The following ACOT7 variants were observed in gnomAD, a reference collection of about 807,000 sequenced individuals.
ACOT7 encodes cytosolic acyl coenzyme A thioester hydrolase.
ACOT7 carries 12 observed loss-of-function variants against 40.2 expected under a neutral mutation model. The observed-to-expected ratio is 0.30, with a 90% CI of 0.19 to 0.48. The LOEUF is 0.48. Ranked by LOEUF, ACOT7 falls within the 20% of genes least tolerant of loss-of-function variation. The probability of loss-of-function intolerance (pLI) is 0.99; values close to 1 mark genes in which losing one functional copy is unlikely to be tolerated. For missense variants in ACOT7, 395 were observed against 530.8 expected, an observed-to-expected ratio of 0.74 and a Z score of 2.51; for synonymous variants, 228 against 219.5, an observed-to-expected ratio of 1.04 and a Z score of -0.34.
rs563908421 is a variant in ACOT7, at chr1:6,267,684, G to T, written c.1015-2989C>A. ...CCTTTCTCAAACTGAGCTGGCCAGG[G>T]ATCCCTTTCATAAGGAACCAAGCTC... On this transcript the variant is annotated intron_variant, in intron 8 of 8. Transcript: ENST00000361521. 1.3e-3 allele frequency among the ~76,000 whole-genome samples: 191 copies of T among 152,340 alleles called. 1 individual carries two copies. Among genetic ancestry groups the T allele is most frequent in the African/African-American group, 4.5e-3 (186 of 41,576 alleles).
chr1:6,356,101 C>A (rs375906634), intron 1 of ACOT7, among the ~76,000 whole-genome samples: 1 of 152,158 alleles, frequency 6.6e-6, no homozygotes, highest in African/African-American at 2.4e-5. Context: ...AAGATGAGGT[C>A]GCCGTGCCTT....
intron 2 of ACOT7, among the ~76,000 whole-genome samples, chr1:6,341,414 TGA>T (rs1378098352): frequency 1.3e-5 from 2 of 149,060 alleles, no homozygotes; most frequent in African/African-American, 4.9e-5. Flanking sequence ...ATTACAGGCG[TGA>T]GCCACCGTGC....
chr1:6,388,590 T>C (rs1642479930), intron 1 of ACOT7, among the ~76,000 whole-genome samples: 1 of 135,480 alleles, frequency 7.4e-6, no homozygotes, highest in South Asian at 2.4e-4. Context: ...AATACAAAAA[T>C]TAGCCGAGTG....
At chr1:6,367,135 C>G (rs1454557402) in intron 1 of ACOT7, among the ~76,000 whole-genome samples, 1 of 149,950 alleles carries the variant, frequency 6.7e-6, no homozygotes, top group Admixed American at 6.7e-5. Flanking sequence ...GAAGGCAGAG[C>G]TTGCAGTGAG....
intron 3 of ACOT7, among the ~76,000 whole-genome samples, chr1:6,334,913 C>T (rs575858356): frequency 4.6e-5 from 7 of 152,290 alleles, no homozygotes; most frequent in Admixed American, 4.6e-4. Flanking sequence ...TTGTCAGGCA[C>T]GGTGGCTCAC....
At chr1:6,392,996 C>A (rs971191351) in intron 1 of ACOT7, among the ~76,000 whole-genome samples, 2 of 152,044 alleles carry the variant, frequency 1.3e-5, no homozygotes, top group African/African-American at 4.8e-5. Flanking sequence ...CTCGCCCAAA[C>A]GGCCCGTGGC....
In ACOT7 at chr1:6,338,735, C is replaced by T. The variant is rs138771843; in HGVS notation, c.418+698G>A. Among the ~76,000 whole-genome samples, 725 of 152,202 alleles carry T rather than the reference C, an allele frequency of 4.8e-3. 4 individuals are homozygous for T. Among genetic ancestry groups the T allele is most frequent in the African/African-American group, 0.017 (696 of 41,550 alleles). ...GGAGGAAACCGGCCCAGCCTCTCTGCATGGGAGGACTGGTGACCTGGGAGG... is the reference window on the plus strand; with the variant it reads ...GGAGGAAACCGGCCCAGCCTCTCTGTATGGGAGGACTGGTGACCTGGGAGG... On this transcript the variant is annotated intron_variant, in intron 3 of 8. Transcript: ENST00000361521. This position sits in a 1 kb window ranked among gnomAD's most constrained non-coding sequence, Gnocchi z 4.4.
Position 6,393,419 on chromosome 1 carries a change from G to A in ACOT7, c.-20C>T, listed in dbSNP as rs891669545. 2.6e-5 allele frequency: 32 copies of A among 1,222,864 alleles called. No individual in the cohort carries two copies. Among genetic ancestry groups the A allele is most frequent in the African/African-American group, 6.3e-5 (4 of 63,036 alleles). The allele number at this position is 1,222,864 out of a possible 1,614,324, so 75.8% of individuals were successfully genotyped here. ...CGCCATAAAGGGGGAGGGCAGAGGT[G>A]GAGCGATGGGGCTGGTGAGGCGGGG... On this transcript the variant is annotated 5_prime_UTR_variant, in exon 1 of 9. Coordinates refer to ENST00000361521, the MANE Select transcript of ACOT7 (RefSeq NM_007274.4).
At chr1:6,340,499 A>C (rs1428995696) in intron 2 of ACOT7, among the ~76,000 whole-genome samples, 2 of 152,236 alleles carry the variant, frequency 1.3e-5, no homozygotes, top group African/African-American at 4.8e-5. Context: ...AAAGAAGGGG[A>C]ACGTCACTCC....
At position 6,299,972 on chromosome 1, in the gene ACOT7, C is replaced by T. The variant is rs1300735281; in HGVS notation, c.713-4992G>A. On this transcript the variant is annotated intron_variant, in intron 6 of 8. Coordinates refer to ENST00000361521, the MANE Select transcript of ACOT7 (RefSeq NM_007274.4). The surrounding 1 kb of genome is among the most constrained non-coding windows in gnomAD (Gnocchi z 4.1). The stretch of plus-strand genomic sequence containing the variant: ...GCTGCATTTGCCATGAAACGCTGAC[C>T]ATTTATATTCAGAAAATGGCAACCT... Among the ~76,000 whole-genome samples, 1 of 152,140 alleles carries T rather than the reference C, an allele frequency of 6.6e-6. No individual in the cohort carries two copies. The highest frequency in any genetic ancestry group is 2.4e-5 in the African/African-American group (1 of 41,420).
chr1:6,279,116 T>C (rs1323398226), intron 8 of ACOT7, among the ~76,000 whole-genome samples: 4 of 152,128 alleles, frequency 2.6e-5, no homozygotes. Context: ...CCATACTTCA[T>C]GGCCGAGAAA....
intron 5 of ACOT7, among the ~76,000 whole-genome samples, chr1:6,318,792 G>A (rs1467581566): frequency 6.6e-6 from 1 of 152,042 alleles, no homozygotes; most frequent in Non-Finnish European, 1.5e-5. Context: ...CATTCTGTTA[G>A]TGGGCCATGA....
intron 6 of ACOT7, among the ~76,000 whole-genome samples, chr1:6,302,629 G>C (rs966174290): frequency 1.6e-4 from 25 of 152,118 alleles, no homozygotes; most frequent in African/African-American, 6.0e-4. Flanking sequence ...GAACTCTGCT[G>C]GCTACTTAGA....
At chr1:6,281,066 C>T in intron 8 of ACOT7, 36 bp downstream of exon 8, 3 of 1,599,780 alleles carry the variant, frequency 1.9e-6, no homozygotes, top group African/African-American at 1.3e-5. Flanking sequence ...GGCTGCCTGG[C>T]AGGGAGGGGC....
intron 7 of ACOT7, among the ~76,000 whole-genome samples, chr1:6,293,336 T>A (rs1639726052): frequency 6.6e-6 from 1 of 151,734 alleles, no homozygotes; most frequent in African/African-American, 2.4e-5. Flanking sequence ...CAGGCAGGAG[T>A]CCTAGAAAAA....
rs1490731542 is a variant in ACOT7 at position 6,264,378 on chromosome 1, G to C, written c.*219C>G. 1.6e-5 allele frequency: 9 copies of C among 559,618 alleles called. No homozygotes were observed. The highest frequency in any genetic ancestry group is 2.8e-5 in the Non-Finnish European group (9 of 320,196). 34.7% of individuals were successfully genotyped at this position (559,618 alleles called of 1,614,324 possible). A position where few individuals can be genotyped will look rare whatever the true frequency, so the allele number is the denominator to read the frequency against. On this transcript the variant is annotated 3_prime_UTR_variant, in exon 9 of 9. Coordinates refer to ENST00000361521, the MANE Select transcript of ACOT7 (RefSeq NM_007274.4). ...CTGCCCAACGCCTCCCGGCGCTCGG[G>C]ACAACACTGTGTAGCATTGATACTG...
Position 6,393,733 on chromosome 1 carries a change from G to C in ACOT7, c.-334C>G, listed in dbSNP as rs970148394. The C allele has an allele frequency of 3.3e-5, 6 of 182,416 alleles. No homozygotes were observed. The highest frequency in any genetic ancestry group is 6.8e-5 in the Non-Finnish European group (6 of 88,244). 11.3% of individuals were successfully genotyped at this position (182,416 alleles called of 1,614,324 possible). A position where few individuals can be genotyped will look rare whatever the true frequency, so the allele number is the denominator to read the frequency against. On this transcript the variant is annotated 5_prime_UTR_variant, in exon 1 of 9. Coordinates refer to ENST00000361521, the MANE Select transcript of ACOT7 (RefSeq NM_007274.4). ...CTAAGTGGCGGAGCAGGGCGGACTT[G>C]GGCCCTCACTCTCCGCGCGGCGGTA...
At chr1:6,370,863 T>A (rs1571349172) in intron 1 of ACOT7, among the ~76,000 whole-genome samples, 1 of 151,658 alleles carries the variant, frequency 6.6e-6, no homozygotes, top group East Asian at 1.9e-4. Context: ...CAGGCTGGAG[T>A]GCAGTGGTGC....
At chr1:6,307,736 G>A (rs1210618591) in intron 6 of ACOT7, among the ~76,000 whole-genome samples, 1 of 151,812 alleles carries the variant, frequency 6.6e-6, no homozygotes. Flanking sequence ...GACCAGGCGG[G>A]GGAACTGCAA....
Sources: gnomAD v4.1 joint callset for allele counts (sites outside exome capture counted in the v4.1 genomes callset) on GRCh38, gnomAD v4.1.1 for gene constraint, Gnocchi (gnomAD v3.1) non-coding constraint, MANE v1.5 for transcripts, NCBI Gene and HGNC (gene_info 2026-07-23, HGNC 2026-07-21) for gene names.